DLG2: variants seen among roughly 807,000 people sequenced by gnomAD.
DLG2 encodes the protein disks large homolog 2.
Under a neutral mutation model 132.5 loss-of-function variants are expected in DLG2, and 45 were observed. The ratio of observed to expected loss-of-function variants is 0.34; its 90% CI spans 0.27 to 0.44. The LOEUF (loss-of-function observed/expected upper bound fraction) is 0.44, where lower values mean the gene tolerates loss of function less well. Among genes scored for constraint, DLG2 ranks in the 20% least tolerant of loss-of-function variants. The pLI is 1.00. For synonymous variants in DLG2, 424 were observed against 419.6 expected (o/e 1.01, Z -0.13); for missense variants, 1,045 against 1,196.9 (o/e 0.87, Z 1.87).
intron 3 of DLG2, among the ~76,000 whole-genome samples, chr11:85,470,475 C>T (rs1005942900): frequency 6.6e-6 from 1 of 152,140 alleles, no homozygotes; most frequent in Non-Finnish European, 1.5e-5. Flanking sequence ...GTAATCCCAG[C>T]ACTTTGGGCG....
At chr11:85,196,603 CA>C (rs1238958447) in intron 4 of DLG2, among the ~76,000 whole-genome samples, 14 of 152,290 alleles carry the variant, frequency 9.2e-5, no homozygotes, top group Admixed American at 7.2e-4. Context: ...ATCAATTTTG[CA>C]AGCTTATTAC....
intron 7 of DLG2, among the ~76,000 whole-genome samples, chr11:84,280,080 G>A (rs1335687951): frequency 6.6e-6 from 1 of 152,140 alleles, no homozygotes; most frequent in Non-Finnish European, 1.5e-5. Flanking sequence ...AAGAAATAAA[G>A]ATGCTTTTAT....
intron 3 of DLG2, among the ~76,000 whole-genome samples, chr11:85,313,945 T>G (rs896337229): frequency 2.0e-5 from 3 of 151,958 alleles, no homozygotes; most frequent in Admixed American, 1.3e-4. Context: ...CCTGAAAAAT[T>G]TACATAACAC....
intron 15 of DLG2, among the ~76,000 whole-genome samples, chr11:83,884,001 C>G (rs1322512678): frequency 6.6e-6 from 1 of 152,152 alleles, no homozygotes; most frequent in Non-Finnish European, 1.5e-5. Flanking sequence ...GTCTACAGCT[C>G]CCAGCGTGAG....
At chr11:85,503,854 C>A (rs925298432) in intron 3 of DLG2, among the ~76,000 whole-genome samples, 4 of 152,014 alleles carry the variant, frequency 2.6e-5, no homozygotes, top group African/African-American at 9.7e-5. Flanking sequence ...ATCACTTGAG[C>A]CCTGGAGATT....
At chr11:85,022,129 A>AT (rs1246945779) in intron 6 of DLG2, among the ~76,000 whole-genome samples, 1 of 152,072 alleles carries the variant, frequency 6.6e-6, no homozygotes, top group Non-Finnish European at 1.5e-5. Flanking sequence ...TTTCAAACAT[A>AT]TTTAGAGACT....
At chr11:85,546,955 C>T (rs1399227338) in intron 3 of DLG2, among the ~76,000 whole-genome samples, 2 of 150,642 alleles carry the variant, frequency 1.3e-5, no homozygotes, top group East Asian at 4.0e-4. Context: ...TGACTCTTAT[C>T]CAATTTGCCA....
At chr11:84,532,717 G>A (rs552321913) in intron 7 of DLG2, among the ~76,000 whole-genome samples, 5 of 152,258 alleles carry the variant, frequency 3.3e-5, no homozygotes, top group Admixed American at 6.5e-5. Context: ...GGCTGGTCTT[G>A]AAGTCCTGGG....
intron 3 of DLG2, among the ~76,000 whole-genome samples, chr11:85,412,130 G>T (rs2089367207): frequency 2.6e-5 from 4 of 151,720 alleles, no homozygotes; most frequent in Admixed American, 2.6e-4. Context: ...CATTCCCCTG[G>T]TGATATTTTA....
chr11:84,912,378 G>A (rs191827722), intron 6 of DLG2, among the ~76,000 whole-genome samples: 2 of 152,136 alleles, frequency 1.3e-5, no homozygotes, highest in Non-Finnish European at 2.9e-5. Context: ...GGATGGTCTC[G>A]ATCTCCTGAT....
intron 6 of DLG2, among the ~76,000 whole-genome samples, chr11:84,957,436 CTT>C (rs924363339): frequency 6.6e-6 from 1 of 152,172 alleles, no homozygotes; most frequent in African/African-American, 2.4e-5. Context: ...CAAAAGAACA[CTT>C]TAATGGTTCA....
intron 7 of DLG2, among the ~76,000 whole-genome samples, chr11:84,294,757 A>G (rs1339555002): frequency 6.6e-6 from 1 of 152,200 alleles, no homozygotes; most frequent in Non-Finnish European, 1.5e-5. Flanking sequence ...TCCTTTGGAT[A>G]GAACTGCGGT....
In DLG2 at chr11:84,275,609, C is replaced by G. The variant is rs576497161; in HGVS notation, c.520-24318G>C. Among the ~76,000 whole-genome samples, 5 of 152,348 alleles carry G rather than the reference C, an allele frequency of 3.3e-5. No homozygotes were observed. In the East Asian group the frequency reaches 9.6e-4, roughly 29 times the overall value. Reference sequence around the variant, plus strand: ...TGACCTCGTGATCCACCTGCCTCAGCCTCCCAAAGTGCTGGGATTACAGGC... The same window carrying G: ...TGACCTCGTGATCCACCTGCCTCAGGCTCCCAAAGTGCTGGGATTACAGGC... On this transcript the variant is annotated intron_variant, in intron 7 of 27. Coordinates refer to ENST00000376104, the MANE Select transcript of DLG2 (RefSeq NM_001142699.3).
chr11:83,593,674 A>G (rs529027847), intron 19 of DLG2, among the ~76,000 whole-genome samples: 2,489 of 150,266 alleles, frequency 0.017, 83 homozygotes, highest in African/African-American at 0.058. Context: ...AAAAAAAAAG[A>G]AAAAAAAAGA....
intron 6 of DLG2, among the ~76,000 whole-genome samples, chr11:84,751,966 A>T (rs1371159663): frequency 2.0e-5 from 3 of 152,168 alleles, no homozygotes; most frequent in Non-Finnish European, 4.4e-5. Context: ...ACTATTTCAC[A>T]CTACACTCTT....
At chr11:83,885,850 G>A (rs2067707823) in intron 15 of DLG2, among the ~76,000 whole-genome samples, 1 of 152,112 alleles carries the variant, frequency 6.6e-6, no homozygotes, top group Admixed American at 6.5e-5. Context: ...GCCAAACTAA[G>A]CTTCATAAGT....
At chr11:84,073,668 G>T (rs2096787004) in intron 10 of DLG2, among the ~76,000 whole-genome samples, 1 of 152,112 alleles carries the variant, frequency 6.6e-6, no homozygotes, top group South Asian at 2.1e-4. Context: ...TAGCGGTTAG[G>T]CTTTAAATTA....
chr11:83,733,746 C>T (rs1488220623), intron 18 of DLG2, among the ~76,000 whole-genome samples: 1 of 152,140 alleles, frequency 6.6e-6, no homozygotes, highest in Non-Finnish European at 1.5e-5. Context: ...CCAAATGTGC[C>T]TTTGCTCATT....
intron 9 of DLG2, among the ~76,000 whole-genome samples, chr11:84,143,953 T>C (rs897534914): frequency 1.3e-5 from 2 of 152,140 alleles, no homozygotes; most frequent in Admixed American, 6.6e-5. Flanking sequence ...AAAGTCTTGA[T>C]GAAGAAGAGA....
Sources: gnomAD v4.1 joint callset for allele counts (sites outside exome capture counted in the v4.1 genomes callset) on GRCh38, gnomAD v4.1.1 for gene constraint, MANE v1.5 for transcripts, NCBI Gene and HGNC (gene_info 2026-07-23, HGNC 2026-07-21) for gene names.